The following RASA2 variants were observed in gnomAD, a reference collection of about 807,000 sequenced individuals.
RASA2 encodes the protein ras GTPase-activating protein 2.
Under a neutral mutation model 118.2 loss-of-function variants are expected in RASA2, and 155 were observed. The observed-to-expected ratio is 1.31, with a 90% confidence interval of 1.15 to 1.50. RASA2 has a LOEUF of 1.50. RASA2 is among the 40% of genes most tolerant of loss of function. RASA2 has a pLI of 0.00. For missense variants in RASA2, 1,016 were observed against 1,009.6 expected, an observed-to-expected ratio of 1.01 and a Z score of -0.09; for synonymous variants, 353 against 349.1, an observed-to-expected ratio of 1.01 and a Z score of -0.12.
rs777693077 is a variant in RASA2, at chr3:141,609,469, G to C, written c.2275G>C (p.Glu759Gln). 1 of 1,605,732 alleles carries C rather than the reference G, an allele frequency of 6.2e-7. No individual in the cohort carries two copies. Among genetic ancestry groups the C allele is most frequent in the South Asian group, 1.1e-5 (1 of 90,378 alleles). ...QIDIDEDRET[E>Q]RIYSLFTLSL... ...AGATATTGATGAAGACAGAGAAACA[G>C]AAAGAATTTATTCCCTTTTTACCCT... is the stretch of plus-strand genomic sequence containing the variant. Residue 759 changes from glutamate to glutamine, a missense_variant, in exon 22 of 24, where the codon GAA (glutamate) becomes CAA (glutamine). By Grantham distance (29) the Glu-to-Gln change is conservative. Around this residue, in one of 2 missense-constraint regions of RASA2, gnomAD observed 120 missense variants for 173.2 expected, o/e 0.69. Transcript: ENST00000286364.
intron 15 of RASA2, among the ~76,000 whole-genome samples, chr3:141,578,042 A>G (rs76982377): frequency 0.014 from 2,140 of 152,318 alleles, 63 homozygotes; most frequent in African/African-American, 0.049. Flanking sequence ...TTGTATAACA[A>G]ATAATAACAA....
At chr3:141,562,898 C>T (rs2082758071) in intron 9 of RASA2, among the ~76,000 whole-genome samples, 1 of 152,070 alleles carries the variant, frequency 6.6e-6, no homozygotes, top group Non-Finnish European at 1.5e-5. Context: ...GTCTTGATCT[C>T]CTGACCTCTT....
chr3:141,520,913 T>C (rs1577676120), intron 3 of RASA2, among the ~76,000 whole-genome samples: 2 of 152,062 alleles, frequency 1.3e-5, no homozygotes, highest in East Asian at 3.9e-4. Flanking sequence ...GGAATGTACT[T>C]CAGGGGTTTC....
chr3:141,540,778 A>G (rs2082394621), intron 5 of RASA2, among the ~76,000 whole-genome samples, 169 bp downstream of exon 5: 1 of 152,172 alleles, frequency 6.6e-6, no homozygotes, highest in Non-Finnish European at 1.5e-5. Flanking sequence ...CTCATAGTCT[A>G]CTCAGGTTAT....
In RASA2 at chr3:141,487,089, G is replaced by C; in HGVS notation, c.6G>C (p.Ala2=). 7.3e-7 allele frequency: 1 copy of C among 1,367,674 alleles called. No homozygotes were observed. Among genetic ancestry groups the C allele is most frequent in the East Asian group, 3.4e-5 (1 of 29,364 alleles). The allele number at this position is 1,367,674 out of a possible 1,614,324, so 84.7% of individuals were successfully genotyped here. M[A]AAAPAAAAAS... ...GGCACGGGCCGGGCGGCACCATGGC[G>C]GCGGCGGCGCCTGCTGCTGCGGCGG... The change falls in exon 1 of 24, where the codon GCG becomes GCC. Residue 2 remains alanine, a synonymous_variant. Transcript: ENST00000286364.
At chr3:141,538,116 C>G (rs2082354867) in intron 4 of RASA2, among the ~76,000 whole-genome samples, 1 of 151,864 alleles carries the variant, frequency 6.6e-6, no homozygotes, top group Non-Finnish European at 1.5e-5. Flanking sequence ...CACACACACA[C>G]ACACACACAC....
At chr3:141,501,655 C>T (rs553032753) in intron 1 of RASA2, among the ~76,000 whole-genome samples, 11 of 152,124 alleles carry the variant, frequency 7.2e-5, no homozygotes, top group Non-Finnish European at 1.5e-4. Context: ...TATAATTATG[C>T]ATACCTTTTA....
At chr3:141,552,433 A>G (rs769743880) in intron 5 of RASA2, among the ~76,000 whole-genome samples, 12 of 152,174 alleles carry the variant, frequency 7.9e-5, no homozygotes, top group Non-Finnish European at 1.5e-4. Context: ...TTTGAGCCTT[A>G]CCTTGTAACT....
At chr3:141,571,315 C>A in intron 10 of RASA2, 91 bp from the exon 11 acceptor site, 2 of 1,485,360 alleles carry the variant, frequency 1.3e-6, no homozygotes, top group Non-Finnish European at 9.1e-7. Flanking sequence ...GCTTTAGTGA[C>A]ATTATTTCAG....
At chr3:141,487,270 A>AGGGGGCGGCGGGTTCGC in intron 1 of RASA2, 54 bp downstream of exon 1, 1 of 1,173,790 alleles carries the variant, frequency 8.5e-7, no homozygotes, top group Non-Finnish European at 1.1e-6. Context: ...CGCGAGGCTG[A>AGGGGGCGGCGGGTTCGC]GGGGGCGGCG....
chr3:141,572,737 C>G lies in RASA2; in HGVS notation c.1284+14C>G, dbSNP rs758122589. On this transcript the variant is annotated intron_variant, in intron 12 of 23. Coordinates refer to ENST00000286364, the MANE Select transcript of RASA2 (RefSeq NM_006506.5). ...ATTCTTGATGAGGTACAGAATATAT[C>G]TCCAACAATGATAGTTTGTGGCCTT... is the stretch of plus-strand genomic sequence containing the variant. The G allele has an allele frequency of 8.5e-6, 13 of 1,520,798 alleles. No homozygotes were observed. The highest frequency in any genetic ancestry group is 1.2e-5 in the Non-Finnish European group (13 of 1,105,434). 94.2% of individuals were successfully genotyped at this position (1,520,798 alleles called of 1,614,324 possible).
At chr3:141,585,950 G>T (rs2083194716) in intron 17 of RASA2, 75 bp from the exon 18 acceptor site, 2 of 1,127,652 alleles carry the variant, frequency 1.8e-6, no homozygotes, top group South Asian at 3.2e-5. Context: ...TATAATTAAT[G>T]ACATGTAAGA....
intron 9 of RASA2, among the ~76,000 whole-genome samples, chr3:141,563,522 G>A (rs1272984061): frequency 6.6e-6 from 1 of 152,056 alleles, no homozygotes; most frequent in Non-Finnish European, 1.5e-5. Context: ...AGTGGTAATA[G>A]TTATACATCA....
chr3:141,602,881 A>G (rs948301082), intron 19 of RASA2, among the ~76,000 whole-genome samples: 3 of 152,192 alleles, frequency 2.0e-5, no homozygotes, highest in African/African-American at 7.2e-5. Context: ...TTCCACATAC[A>G]TGCCTACGTT....
chr3:141,612,474 G>T lies in RASA2; in HGVS notation c.*161G>T. Reference sequence around the variant, plus strand: ...ATTTAATAATTGAAATTAATTGTTTGGGAATCCTGGTATTGATGTATTACT... The same window carrying T: ...ATTTAATAATTGAAATTAATTGTTTTGGAATCCTGGTATTGATGTATTACT... On this transcript the variant is annotated 3_prime_UTR_variant, in exon 24 of 24. Transcript: ENST00000286364. 1 of 583,728 alleles carries T rather than the reference G, an allele frequency of 1.7e-6. No individual in the cohort carries two copies. The highest frequency in any genetic ancestry group is 2.7e-5 in the South Asian group (1 of 37,042). The allele number at this position is 583,728 out of a possible 1,614,324, so 36.2% of individuals were successfully genotyped here.
intron 5 of RASA2, among the ~76,000 whole-genome samples, chr3:141,551,934 A>G (rs1474569950): frequency 6.6e-6 from 1 of 152,166 alleles, no homozygotes; most frequent in Non-Finnish European, 1.5e-5. Context: ...TCCATGATTT[A>G]TGATATGAAA....
chr3:141,553,672 A>T (rs1244973614), intron 5 of RASA2, among the ~76,000 whole-genome samples, 185 bp from the exon 6 acceptor site: 3 of 152,230 alleles, frequency 2.0e-5, no homozygotes, highest in Non-Finnish European at 4.4e-5. Context: ...AAATTTAAAA[A>T]TGCATACATA....
At chr3:141,536,897 G>A (rs1210813985) in intron 4 of RASA2, among the ~76,000 whole-genome samples, 2 of 151,672 alleles carry the variant, frequency 1.3e-5, no homozygotes, top group East Asian at 1.9e-4. Context: ...ACAGGCATGC[G>A]CTGCCACACC....
intron 4 of RASA2, among the ~76,000 whole-genome samples, chr3:141,533,522 C>T (rs80224360): frequency 0.022 from 3,383 of 152,218 alleles, 133 homozygotes; most frequent in African/African-American, 0.076. Context: ...TTTAGCTTTC[C>T]AGTGGAAGGA....
Sources: allele counts gnomAD v4.1 joint callset (sites outside exome capture counted in the v4.1 genomes callset), GRCh38; gene constraint gnomAD v4.1.1; regional missense constraint gnomAD v4.1.1; transcripts MANE v1.5; gene names NCBI Gene and HGNC (gene_info 2026-07-23, HGNC 2026-07-21).